MPP7: variants seen among roughly 807,000 people sequenced by gnomAD.
MPP7 encodes the protein MAGUK p55 scaffold protein 7.
Under a neutral mutation model 76.5 loss-of-function variants are expected in MPP7, and 60 were observed. That is an observed-to-expected ratio of 0.78 (90% confidence interval 0.64 to 0.97). The LOEUF is 0.97. Ranked by LOEUF, MPP7 falls within the 50% of genes least tolerant of loss-of-function variation. MPP7 has a pLI of 0.00. For synonymous variants in MPP7, 237 were observed against 244.5 expected (o/e 0.97, Z 0.29); for missense variants, 641 against 694.0 (o/e 0.92, Z 0.86).
chr10:28,250,066 C>T (rs1839565380), intron 1 of MPP7, among the ~76,000 whole-genome samples: 1 of 150,780 alleles, frequency 6.6e-6, no homozygotes, highest in African/African-American at 2.4e-5. Context: ...AAATTACTAA[C>T]AGTAAAAGCA....
At chr10:28,140,011 C>A (rs1461790851) in intron 5 of MPP7, among the ~76,000 whole-genome samples, 1 of 152,042 alleles carries the variant, frequency 6.6e-6, no homozygotes, top group African/African-American at 2.4e-5. Context: ...ACCCAAACAA[C>A]CTCACAAATT....
rs1834797579 is a variant in MPP7 at position 28,120,384 on chromosome 10, T to C, written c.697A>G (p.Ile233Val). ...ETPSKEGKMF[I>V]KALFDYNPNE... The stretch of plus-strand genomic sequence containing the variant: ...GGATTATAGTCAAAGAGGGCTTTGA[T>C]AAACATCTGGAAGAAAAGTTTCATT... Residue 233 changes from isoleucine to valine, a missense_variant, in exon 10 of 17, where the codon ATC (isoleucine) becomes GTC (valine). Coordinates refer to ENST00000683449, the MANE Select transcript of MPP7 (RefSeq NM_001318170.2). The C allele has an allele frequency of 6.2e-7, 1 of 1,607,790 alleles. No homozygotes were observed. The highest frequency in any genetic ancestry group is 8.5e-7 in the Non-Finnish European group (1 of 1,177,950).
At chr10:28,316,812 G>A (rs1325274407) in intron 2 of MPP7, among the ~76,000 whole-genome samples, 1 of 152,130 alleles carries the variant, frequency 6.6e-6, no homozygotes, top group Non-Finnish European at 1.5e-5. Context: ...TTTCCTGTAC[G>A]GCGCTCGCTG....
intron 2 of MPP7, among the ~76,000 whole-genome samples, chr10:28,316,894 A>G (rs189849792): frequency 7.9e-5 from 12 of 152,300 alleles, no homozygotes; most frequent in African/African-American, 2.4e-4. Context: ...AATTTGTCAA[A>G]GAGAAAAGCT....
At chr10:28,328,860 A>G (rs1180101590) in intron 2 of MPP7, among the ~76,000 whole-genome samples, 1 of 152,196 alleles carries the variant, frequency 6.6e-6, no homozygotes, top group Non-Finnish European at 1.5e-5. Context: ...TACTGTCCTC[A>G]CTATACCATT....
chr10:28,240,191 A>G (rs1021913195), intron 1 of MPP7, among the ~76,000 whole-genome samples: 6 of 152,188 alleles, frequency 3.9e-5, no homozygotes, highest in Non-Finnish European at 4.4e-5. Context: ...AAGCAAATTC[A>G]GTAATTTAGA....
chr10:28,073,029 T>C (rs1171373391), intron 12 of MPP7, among the ~76,000 whole-genome samples: 1 of 152,204 alleles, frequency 6.6e-6, no homozygotes, highest in Non-Finnish European at 1.5e-5. Flanking sequence ...ACATCACGCA[T>C]TCCTGGTCTC....
intron 12 of MPP7, among the ~76,000 whole-genome samples, chr10:28,071,782 A>G (rs1852252407): frequency 6.6e-6 from 1 of 152,216 alleles, no homozygotes; most frequent in Admixed American, 6.5e-5. Flanking sequence ...AAAGATCAGG[A>G]GCTATTCTGC....
chr10:28,275,575 T>G (rs1195006468), intron 1 of MPP7, among the ~76,000 whole-genome samples: 2 of 151,956 alleles, frequency 1.3e-5, no homozygotes, highest in Non-Finnish European at 2.9e-5. Context: ...CCTGGCTAAT[T>G]TTTATATTTT....
intron 1 of MPP7, among the ~76,000 whole-genome samples, chr10:28,262,261 ATATATATATATATATAT>A (rs1840009462): frequency 6.4e-5 from 1 of 15,742 alleles, no homozygotes; most frequent in Non-Finnish European, 1.1e-4. Flanking sequence ...ATATATATGT[ATATATATATATATATAT>A]TTTTTTTTTT....
intron 1 of MPP7, among the ~76,000 whole-genome samples, chr10:28,333,188 AGGCTG>A (rs1834486246): frequency 6.6e-6 from 1 of 152,200 alleles, no homozygotes; most frequent in African/African-American, 2.4e-5. Context: ...TCTGTTGCCC[AGGCTG>A]GAGTGCAATG....
intron 2 of MPP7, among the ~76,000 whole-genome samples, chr10:28,316,912 T>C (rs1834325083): frequency 6.6e-6 from 1 of 152,158 alleles, no homozygotes; most frequent in Non-Finnish European, 1.5e-5. Flanking sequence ...GCTCATTACT[T>C]CAGCCTGGGG....
At chr10:28,309,922 G>C (rs1164848957) in intron 2 of MPP7, among the ~76,000 whole-genome samples, 1 of 151,832 alleles carries the variant, frequency 6.6e-6, no homozygotes, top group Non-Finnish European at 1.5e-5. Context: ...AAAAGCTCCC[G>C]GAGGCCGCCC....
chr10:28,156,942 G>A (rs892666697), intron 3 of MPP7, among the ~76,000 whole-genome samples: 3 of 152,074 alleles, frequency 2.0e-5, no homozygotes, highest in African/African-American at 7.2e-5. Flanking sequence ...AGGTGTGGTG[G>A]CTCACACCTG....
At position 28,124,794 on chromosome 10, in the gene MPP7, A is replaced by G. The variant is rs368199890; in HGVS notation, c.529+216T>C. On this transcript the variant is annotated intron_variant, in intron 7 of 16. Transcript: ENST00000683449. ...CACCACGCCCGGCCCACAAGTTTTA[A>G]GATAGCTTTGGATGCTTGTGTACAA... Among the ~76,000 whole-genome samples, 57 of 152,224 alleles carry G rather than the reference A, an allele frequency of 3.7e-4. 1 individual carries two copies. Among genetic ancestry groups the G allele is most frequent in the African/African-American group, 1.3e-3 (56 of 41,540 alleles).
chr10:28,128,065 G>A (rs900355466), intron 6 of MPP7, among the ~76,000 whole-genome samples: 1 of 152,164 alleles, frequency 6.6e-6, no homozygotes, highest in African/African-American at 2.4e-5. Context: ...AAGGGAGTCA[G>A]CTTATGTGCT....
intron 6 of MPP7, 23 bp from the exon 7 acceptor site, chr10:28,125,114 C>T (rs566948160): frequency 6.3e-7 from 1 of 1,595,580 alleles, no homozygotes; most frequent in Non-Finnish European, 8.6e-7. Flanking sequence ...AAACAAAAAG[C>T]ATTTGTGGGT....
chr10:28,066,119 C>T (rs760781417), intron 13 of MPP7, among the ~76,000 whole-genome samples: 1 of 152,064 alleles, frequency 6.6e-6, no homozygotes, highest in Non-Finnish European at 1.5e-5. Context: ...ATAATCTCAG[C>T]ACTTTGGGAG....
intron 1 of MPP7, among the ~76,000 whole-genome samples, chr10:28,298,369 T>C (rs1430219080): frequency 6.6e-6 from 1 of 152,248 alleles, no homozygotes; most frequent in Admixed American, 6.5e-5. Context: ...TTAGCAGGTA[T>C]GAAAACATTA....
Sources: allele counts gnomAD v4.1 joint callset (sites outside exome capture counted in the v4.1 genomes callset), GRCh38; gene constraint gnomAD v4.1.1; transcripts MANE v1.5; gene names NCBI Gene and HGNC (gene_info 2026-07-23, HGNC 2026-07-21).